Variants in CRPPA observed in about 807,000 individuals in gnomAD.
The protein encoded by CRPPA is CDP-L-ribitol pyrophosphorylase A.
A neutral mutation model predicts 52.0 loss-of-function variants in CRPPA; 43 were observed. The observed-to-expected ratio is 0.83, with a 90% confidence interval of 0.65 to 1.07. The LOEUF is 1.07. Ranked by LOEUF, CRPPA falls within the 50% of genes least tolerant of loss-of-function variation. The probability of loss-of-function intolerance (pLI) is 0.00; values close to 1 mark genes in which losing one functional copy is unlikely to be tolerated. For missense variants in CRPPA, 629 were observed against 551.7 expected, an observed-to-expected ratio of 1.14 and a Z score of -1.40; for synonymous variants, 250 against 203.5, an observed-to-expected ratio of 1.23 and a Z score of -1.94.
intron 3 of CRPPA, among the ~76,000 whole-genome samples, chr7:16,364,041 C>A (rs1286185664): frequency 1.3e-5 from 2 of 152,098 alleles, no homozygotes; most frequent in Non-Finnish European, 2.9e-5. Flanking sequence ...ATACTATCTT[C>A]ACAAATAAGA....
chr7:16,269,320 ACAAGTTCATGGAAAGAGTAAT>A (rs1784033117), intron 6 of CRPPA: 8 of 152,098 alleles, frequency 5.3e-5, no homozygotes, highest in Admixed American at 6.6e-5. Flanking sequence ...AAGACTGGGG[ACAAGTTCATGGAAAGAGTAAT>A]CAACTAAGCC....
chr7:16,397,811 CAT>C (rs1330825315), intron 2 of CRPPA, among the ~76,000 whole-genome samples: 4 of 152,274 alleles, frequency 2.6e-5, no homozygotes, highest in African/African-American at 7.2e-5. Flanking sequence ...ACGTGTTTAA[CAT>C]GTGACTGACG....
chr7:16,396,878 A>C (rs1279630626), intron 2 of CRPPA, among the ~76,000 whole-genome samples: 1 of 152,282 alleles, frequency 6.6e-6, no homozygotes, highest in African/African-American at 2.4e-5. Flanking sequence ...GACTGAAAGC[A>C]CATGTGACAA....
rs548738694 is a variant in CRPPA, at chr7:16,144,617, C to T, written c.1252-52818G>A. ...TTGTTTACTCAAGTTGTCCTAAAAC[C>T]GACCTTTGATCATTCACATGCAGGA... On this transcript the variant is annotated intron_variant, in intron 9 of 9. Transcript: ENST00000407010. Among the ~76,000 whole-genome samples the T allele has an allele frequency of 8.1e-4, 123 of 152,254 alleles. 1 individual carries two copies. The Middle Eastern group carries it at 0.024, about 29-fold the overall frequency.
chr7:16,175,710 T>C (rs757559549), intron 9 of CRPPA, among the ~76,000 whole-genome samples: 1 of 152,176 alleles, frequency 6.6e-6, no homozygotes, highest in Non-Finnish European at 1.5e-5. Flanking sequence ...GAAAACAATG[T>C]CTTAATAATT....
intron 2 of CRPPA, among the ~76,000 whole-genome samples, chr7:16,399,766 CAA>C (rs1458040092): frequency 3.9e-5 from 6 of 152,042 alleles, no homozygotes; most frequent in African/African-American, 1.4e-4. Context: ...TCACAAGTGA[CAA>C]GTGGCTGACA....
intron 8 of CRPPA, among the ~76,000 whole-genome samples, chr7:16,254,771 C>A (rs62440443): frequency 2.7e-5 from 3 of 111,046 alleles, no homozygotes; most frequent in South Asian, 3.1e-4. Context: ...GACAGACACA[C>A]AGAAAGAAAG....
intron 2 of CRPPA, among the ~76,000 whole-genome samples, chr7:16,398,322 C>A (rs747535487): frequency 2.0e-5 from 3 of 151,812 alleles, no homozygotes; most frequent in Non-Finnish European, 2.9e-5. Flanking sequence ...GTGATAAACA[C>A]ATGATCAATA....
chr7:16,302,404 A>C (rs892490675), intron 4 of CRPPA, among the ~76,000 whole-genome samples: 2 of 151,836 alleles, frequency 1.3e-5, no homozygotes, highest in Non-Finnish European at 2.9e-5. Context: ...CAGATACTTC[A>C]CAGACCCCCA....
chr7:16,379,150 G>C (rs1787000682), intron 2 of CRPPA, among the ~76,000 whole-genome samples: 1 of 152,164 alleles, frequency 6.6e-6, no homozygotes, highest in Non-Finnish European at 1.5e-5. Flanking sequence ...TGTTGCCATT[G>C]CTTTTGGTGT....
At chr7:16,270,608 G>C (rs1784068839) in intron 6 of CRPPA, 2 of 152,126 alleles carry the variant, frequency 1.3e-5, no homozygotes, top group South Asian at 2.1e-4. Context: ...GATTTAATGA[G>C]ATGGTTTTTG....
At chr7:16,362,867 T>C (rs1257344006) in intron 3 of CRPPA, among the ~76,000 whole-genome samples, 1 of 152,180 alleles carries the variant, frequency 6.6e-6, no homozygotes, top group Non-Finnish European at 1.5e-5. Flanking sequence ...CAGAGGTTTG[T>C]CTCAGTTTTT....
intron 3 of CRPPA, among the ~76,000 whole-genome samples, chr7:16,372,798 AC>A (rs1461693418): frequency 1.3e-5 from 2 of 152,240 alleles, no homozygotes; most frequent in Non-Finnish European, 2.9e-5. Flanking sequence ...GACTTACCTA[AC>A]ACATAAGGAC....
chr7:16,297,539 A>G (rs2128421970), intron 5 of CRPPA, among the ~76,000 whole-genome samples: 1 of 152,316 alleles, frequency 6.6e-6, no homozygotes, highest in Middle Eastern at 3.4e-3. Context: ...ATGTTAGGGG[A>G]TGCAACATAA....
chr7:16,378,234 A>G (rs985830665), intron 2 of CRPPA, among the ~76,000 whole-genome samples: 14 of 146,940 alleles, frequency 9.5e-5, no homozygotes, highest in African/African-American at 3.5e-4. Flanking sequence ...AGCATTAGGT[A>G]TATCTCCTAA....
chr7:16,172,958 T>C (rs954360947), intron 9 of CRPPA, among the ~76,000 whole-genome samples: 1 of 152,242 alleles, frequency 6.6e-6, no homozygotes, highest in African/African-American at 2.4e-5. Context: ...TGTTTTCAAC[T>C]GGAGAAATCC....
intron 3 of CRPPA, among the ~76,000 whole-genome samples, chr7:16,352,442 C>T (rs1786181181): frequency 6.6e-6 from 1 of 151,482 alleles, no homozygotes; most frequent in Non-Finnish European, 1.5e-5. Flanking sequence ...AATAAATGTG[C>T]AAAGGACCTG....
intron 9 of CRPPA, among the ~76,000 whole-genome samples, chr7:16,125,120 C>T (rs566588890): frequency 1.3e-5 from 2 of 151,488 alleles, no homozygotes; most frequent in Admixed American, 6.6e-5. Context: ...ATTAGCCAGG[C>T]ATGGTGGCGC....
At chr7:16,242,136 A>C (rs1458477646) in intron 8 of CRPPA, among the ~76,000 whole-genome samples, 1 of 151,492 alleles carries the variant, frequency 6.6e-6, no homozygotes, top group Non-Finnish European at 1.5e-5. Flanking sequence ...TTGTATTTTT[A>C]GTAGAGATGG....
Sources: gnomAD v4.1 joint callset for allele counts (sites outside exome capture counted in the v4.1 genomes callset) on GRCh38, gnomAD v4.1.1 for gene constraint, MANE v1.5 for transcripts, NCBI Gene and HGNC (gene_info 2026-07-23, HGNC 2026-07-21) for gene names.